The following KIF1B variants were observed in gnomAD, a reference collection of about 807,000 sequenced individuals.
The protein encoded by KIF1B is kinesin family member 1B.
A neutral mutation model predicts 241.9 loss-of-function variants in KIF1B; 76 were observed. The observed-to-expected ratio is 0.31, with a 90% confidence interval of 0.26 to 0.38. KIF1B has a LOEUF of 0.38. Among genes scored for constraint, KIF1B ranks in the 10% least tolerant of loss-of-function variants. The pLI, the probability that KIF1B is intolerant of heterozygous loss-of-function variation, is 1.00. For synonymous variants in KIF1B, 750 were observed against 796.7 expected, an observed-to-expected ratio of 0.94 and a Z score of 0.99; for missense variants, 1,622 against 2,271.4, an observed-to-expected ratio of 0.71 and a Z score of 5.81.
At chr1:10,357,448 C>G (rs1032398305) in intron 38 of KIF1B, among the ~76,000 whole-genome samples, 6 of 152,178 alleles carry the variant, frequency 3.9e-5, no homozygotes, top group Admixed American at 2.0e-4. Flanking sequence ...AACCACCTCT[C>G]AAGAATTGCC....
intron 5 of KIF1B, among the ~76,000 whole-genome samples, chr1:10,265,200 T>TTTTTTTTA (rs1416112716): frequency 9.4e-5 from 13 of 138,428 alleles, no homozygotes; most frequent in East Asian, 2.1e-4. Context: ...TTAAAATGGA[T>TTTTTTTTA]TTTATTTATT....
At chr1:10,360,880 G>A (rs767122531) in intron 38 of KIF1B, 49 bp from the exon 39 acceptor site, 2 of 1,301,100 alleles carry the variant, frequency 1.5e-6, no homozygotes, top group South Asian at 1.2e-5. Flanking sequence ...CTGGACTAAC[G>A]TGACTTTAGC....
At chr1:10,372,690 C>T (rs1362321521) in intron 45 of KIF1B, among the ~76,000 whole-genome samples, 4 of 135,498 alleles carry the variant, frequency 3.0e-5, no homozygotes, top group East Asian at 2.6e-4. Context: ...CGCGCAGCGG[C>T]GCAATCTCGG....
At chr1:10,244,911 C>A (rs1014045415) in intron 2 of KIF1B, among the ~76,000 whole-genome samples, 3 of 152,198 alleles carry the variant, frequency 2.0e-5, no homozygotes, top group Non-Finnish European at 4.4e-5. Flanking sequence ...CGCGCCCGGC[C>A]GCCATTTTTC....
chr1:10,328,324 A>G (rs1347832262), intron 27 of KIF1B, among the ~76,000 whole-genome samples: 1 of 152,260 alleles, frequency 6.6e-6, no homozygotes, highest in African/African-American at 2.4e-5. Flanking sequence ...GATAGAAATG[A>G]AAGCCTCAAG....
At chr1:10,229,053 G>A (rs1460788135) in intron 1 of KIF1B, among the ~76,000 whole-genome samples, 1 of 152,072 alleles carries the variant, frequency 6.6e-6, no homozygotes, top group African/African-American at 2.4e-5. Flanking sequence ...AACTCGGGGA[G>A]GTTGCAATGT....
rs758329281 is a variant in KIF1B, at chr1:10,342,156, A to G, written c.3620A>G (p.Gln1207Arg). Reference sequence around the variant, plus strand: ...CAGCACCCACTTCATCTGCAAGGACAGGAGCTTAACAGGTTTGGACCAGAT... The same window carrying G: ...CAGCACCCACTTCATCTGCAAGGACGGGAGCTTAACAGGTTTGGACCAGAT... The part of the protein sequence containing the change: ...YQQHPLHLQG[Q>R]ELNSPPQPCR... Residue 1207 changes from glutamine to arginine, a missense_variant, in exon 33 of 49, where the codon CAG (glutamine) becomes CGG (arginine). Physicochemically the swap from Gln to Arg is conservative, Grantham distance 43. Transcript: ENST00000676179. 1.4e-5 allele frequency: 22 copies of G among 1,604,592 alleles called. No homozygotes were observed. The highest frequency in any genetic ancestry group is 4.0e-5 in the African/African-American group (3 of 74,722).
rs753756044 is a variant in KIF1B, at chr1:10,232,310, A to G, written c.-19A>G. ...CTTTATTTCTGGACTGCATATATAT[A>G]TATAACAAGGCCATTAAAATGTCGG... On this transcript the variant is annotated 5_prime_UTR_variant, in exon 2 of 49. It adds an upstream start codon to the 5' untranslated region. Coordinates refer to ENST00000676179, the MANE Select transcript of KIF1B (RefSeq NM_001365951.3). 5.9e-6 allele frequency: 9 copies of G among 1,529,282 alleles called. No homozygotes were observed. The highest frequency in any genetic ancestry group is 5.1e-5 in the Admixed American group (3 of 59,268). 94.7% of individuals were successfully genotyped at this position (1,529,282 alleles called of 1,614,324 possible).
At chr1:10,228,674 T>C (rs983941334) in intron 1 of KIF1B, among the ~76,000 whole-genome samples, 2 of 152,186 alleles carry the variant, frequency 1.3e-5, no homozygotes, top group African/African-American at 2.4e-5. Flanking sequence ...TTCTGTTTCA[T>C]ACAACTCTGT....
At chr1:10,251,357 A>C (rs2102171291) in intron 2 of KIF1B, among the ~76,000 whole-genome samples, 1 of 151,074 alleles carries the variant, frequency 6.6e-6, no homozygotes, top group African/African-American at 2.4e-5. Flanking sequence ...ACTAAGGAAA[A>C]GAGAACAAAG....
At chr1:10,280,512 GT>G (rs1382934713) in intron 14 of KIF1B, among the ~76,000 whole-genome samples, 2 of 152,176 alleles carry the variant, frequency 1.3e-5, no homozygotes, top group Non-Finnish European at 2.9e-5. Flanking sequence ...GGCATTACAG[GT>G]GTGAGCCATC....
At chr1:10,360,305 C>T (rs766482824) in intron 38 of KIF1B, among the ~76,000 whole-genome samples, 7 of 152,134 alleles carry the variant, frequency 4.6e-5, no homozygotes, top group South Asian at 2.1e-4. Context: ...TCCATACTCA[C>T]TTATCCATTT....
At position 10,224,704 on chromosome 1, in the gene KIF1B, G is replaced by A. The variant is rs559397838; in HGVS notation, c.-79-7546G>A. Among the ~76,000 whole-genome samples the A allele has an allele frequency of 7.9e-5, 12 of 151,978 alleles. 1 individual carries two copies. Among genetic ancestry groups the A allele is most frequent in the African/African-American group, 2.2e-4 (9 of 41,412 alleles). ...CTCCCAAAGTGTTGGGATTATAGGC[G>A]TGAGGAACCATGCCTGGCCCCAATT... On this transcript the variant is annotated intron_variant, in intron 1 of 48. Coordinates refer to ENST00000676179, the MANE Select transcript of KIF1B (RefSeq NM_001365951.3).
intron 27 of KIF1B, among the ~76,000 whole-genome samples, chr1:10,330,391 C>A (rs1045359779): frequency 2.0e-5 from 3 of 151,938 alleles, no homozygotes; most frequent in African/African-American, 7.3e-5. Context: ...CTTGGACTAG[C>A]CATTGCCATA....
intron 22 of KIF1B, among the ~76,000 whole-genome samples, chr1:10,300,678 A>G (rs747280525): frequency 6.6e-6 from 1 of 152,222 alleles, no homozygotes; most frequent in African/African-American, 2.4e-5. Context: ...GAAAGAATCA[A>G]AGATAATTTG....
Position 10,345,866 on chromosome 1 carries a change from C to A in KIF1B, c.3710C>A (p.Thr1237Lys). ...SKPVPATKLN[T>K]MSKTSLGQSM... ...AAAGTTCCAGCCACCAAGTTAAACA[C>A]GATGAGCAAAACCAGCCTTGGCCAG... is the stretch of plus-strand genomic sequence containing the variant. The change falls in exon 35 of 49, where the codon ACG (threonine) becomes AAG (lysine). Residue 1237 changes from threonine to lysine, a missense_variant. Transcript: ENST00000676179. 1 of 1,614,060 alleles carries A rather than the reference C, an allele frequency of 6.2e-7. No homozygotes were observed. The highest frequency in any genetic ancestry group is 8.5e-7 in the Non-Finnish European group (1 of 1,179,954).
In KIF1B at chr1:10,364,352, C is replaced by T. The variant is rs1298363905; in HGVS notation, c.4367-748C>T. Among the ~76,000 whole-genome samples, 15 of 151,810 alleles carry T rather than the reference C, an allele frequency of 9.9e-5. No homozygotes were observed. The South Asian group carries it at 2.9e-3, about 30-fold the overall frequency. On this transcript the variant is annotated intron_variant, in intron 41 of 48. Transcript: ENST00000676179. ...CCTGAGTAGCTGGGTTTGCAAGCAC[C>T]CACCACCATGCCCAGCTAATTTTTG...
chr1:10,348,554 C>T, intron 36 of KIF1B, 95 bp from the exon 37 acceptor site: 7 of 875,490 alleles, frequency 8.0e-6, no homozygotes, highest in South Asian at 1.4e-5. Context: ...CCTTCCTGCT[C>T]ATCCCCCATG....
At chr1:10,220,216 A>G (rs1646823743) in intron 1 of KIF1B, among the ~76,000 whole-genome samples, 1 of 151,566 alleles carries the variant, frequency 6.6e-6, no homozygotes, top group African/African-American at 2.4e-5. Context: ...AAAAAAAAAA[A>G]AAAAATTAGG....
Sources: gnomAD v4.1 joint callset for allele counts (sites outside exome capture counted in the v4.1 genomes callset) on GRCh38, gnomAD v4.1.1 for gene constraint, MANE v1.5 for transcripts, NCBI Gene and HGNC (gene_info 2026-07-23, HGNC 2026-07-21) for gene names.